Variants in ADAM22 observed in about 807,000 individuals in gnomAD.
ADAM22 encodes the protein disintegrin and metalloproteinase domain-containing protein 22.
A neutral mutation model predicts 144.6 loss-of-function variants in ADAM22; 65 were observed. That is an observed-to-expected ratio of 0.45 (90% CI 0.37 to 0.55). ADAM22 has a LOEUF of 0.55. Ranked by LOEUF, ADAM22 falls within the 20% of genes least tolerant of loss-of-function variation. The probability of loss-of-function intolerance (pLI) is 0.00; values close to 1 mark genes in which losing one functional copy is unlikely to be tolerated. For synonymous variants in ADAM22, 391 were observed against 412.6 expected, an observed-to-expected ratio of 0.95 and a Z score of 0.63; for missense variants, 974 against 1,184.9, an observed-to-expected ratio of 0.82 and a Z score of 2.61.
chr7:88,142,116 A>G (rs1420987530), intron 14 of ADAM22, among the ~76,000 whole-genome samples: 5 of 152,240 alleles, frequency 3.3e-5, no homozygotes, highest in African/African-American at 1.2e-4. Context: ...CCGGTGGATC[A>G]TAAATTGCTT....
intron 2 of ADAM22, among the ~76,000 whole-genome samples, chr7:87,966,734 T>TTTTG (rs1849193108): frequency 7.6e-6 from 1 of 131,624 alleles, no homozygotes; most frequent in African/African-American, 2.9e-5. Context: ...TTTTTTTTTT[T>TTTTG]TTTTTTTTTT....
At position 88,004,057 on chromosome 7, in the gene ADAM22, G is replaced by A. The variant is rs118030927; in HGVS notation, c.323+25645G>A. On this transcript the variant is annotated intron_variant, in intron 3 of 31. Transcript: ENST00000413139. Reference sequence around the variant, plus strand: ...TGGATCTTTAACCATGTAAGCAGAAGCGTCAGTAGCTGGAGCCTTCTTGGG... The same window carrying A: ...TGGATCTTTAACCATGTAAGCAGAAACGTCAGTAGCTGGAGCCTTCTTGGG... Among the ~76,000 whole-genome samples the A allele has an allele frequency of 9.5e-4, 144 of 152,362 alleles. 2 individuals are homozygous for A. The East Asian group carries it at 0.021, about 23-fold the overall frequency.
chr7:87,966,720 C>CTTTTTTTTTTTT (rs1562873898), intron 2 of ADAM22, among the ~76,000 whole-genome samples: 1 of 30,172 alleles, frequency 3.3e-5, no homozygotes, highest in African/African-American at 1.8e-4. Context: ...CAAGGAAAGC[C>CTTTTTTTTTTTT]GTTTTTTTTT....
At chr7:88,053,543 C>A in intron 3 of ADAM22, among the ~76,000 whole-genome samples, 1 of 115,872 alleles carries the variant, frequency 8.6e-6, no homozygotes, top group African/African-American at 3.3e-5. Flanking sequence ...TTCAGGATAA[C>A]TCAAAAAAGA....
At chr7:88,043,274 A>T (rs1205721638) in intron 3 of ADAM22, among the ~76,000 whole-genome samples, 1 of 152,064 alleles carries the variant, frequency 6.6e-6, no homozygotes, top group East Asian at 1.9e-4. Flanking sequence ...TCATGAGGTC[A>T]GGAGATCGAG....
chr7:88,121,118 C>G (rs575387881), intron 7 of ADAM22, among the ~76,000 whole-genome samples: 9 of 152,028 alleles, frequency 5.9e-5, no homozygotes, highest in Non-Finnish European at 1.0e-4. Flanking sequence ...TTTGGCTACC[C>G]TTATCACACT....
intron 21 of ADAM22, among the ~76,000 whole-genome samples, chr7:88,155,539 A>AAG (rs1554506182): frequency 6.6e-6 from 1 of 150,768 alleles, no homozygotes; most frequent in African/African-American, 2.4e-5. Context: ...AAAAAAAAAA[A>AAG]AAGAAGAAGA....
chr7:88,191,695 A>G (rs919478248), intron 30 of ADAM22, among the ~76,000 whole-genome samples: 12 of 152,242 alleles, frequency 7.9e-5, no homozygotes, highest in African/African-American at 2.9e-4. Flanking sequence ...AAGTACTAGT[A>G]TTAGTTACAC....
chr7:88,116,093 C>T (rs368115653), intron 6 of ADAM22, among the ~76,000 whole-genome samples: 1 of 152,230 alleles, frequency 6.6e-6, no homozygotes, highest in South Asian at 2.1e-4. Context: ...TGGGTACCCA[C>T]TGCTGCCTGT....
intron 4 of ADAM22, among the ~76,000 whole-genome samples, chr7:88,082,379 A>G (rs1400979356): frequency 6.6e-6 from 1 of 152,222 alleles, no homozygotes; most frequent in Non-Finnish European, 1.5e-5. Flanking sequence ...AAAACCATAA[A>G]AACCCTAGAA....
At position 88,078,493 on chromosome 7, in the gene ADAM22, C is replaced by T. The variant is rs547092781; in HGVS notation, c.390+2801C>T. On this transcript the variant is annotated intron_variant, in intron 4 of 31. Transcript: ENST00000413139. ...TCGCCAGCAACGGAACAAAGCTGGACGGAGAATGACTTTGACGAGTTGAGA... is the reference window on the plus strand; with the variant it reads ...TCGCCAGCAACGGAACAAAGCTGGATGGAGAATGACTTTGACGAGTTGAGA... 1.8e-3 allele frequency among the ~76,000 whole-genome samples: 270 copies of T among 152,288 alleles called. 1 individual carries two copies. Among genetic ancestry groups the T allele is most frequent in the African/African-American group, 5.4e-3 (224 of 41,548 alleles).
chr7:87,953,763 T>C (rs1167090928), intron 2 of ADAM22, among the ~76,000 whole-genome samples: 2 of 152,148 alleles, frequency 1.3e-5, no homozygotes, highest in Non-Finnish European at 2.9e-5. Flanking sequence ...CCCATTATTA[T>C]TGTGTGGGAG....
intron 3 of ADAM22, among the ~76,000 whole-genome samples, chr7:88,007,108 A>G (rs575127089): frequency 3.8e-4 from 58 of 152,314 alleles, no homozygotes; most frequent in African/African-American, 1.4e-3. Context: ...TACACCAATA[A>G]CAGACAGAGA....
chr7:88,011,984 C>T (rs186252159), intron 3 of ADAM22, among the ~76,000 whole-genome samples: 12 of 151,414 alleles, frequency 7.9e-5, no homozygotes, highest in Non-Finnish European at 4.4e-5. Flanking sequence ...ATAAGTCACA[C>T]CTTTGGAGAT....
chr7:87,979,128 A>G (rs1472187312), intron 3 of ADAM22, among the ~76,000 whole-genome samples: 1 of 152,204 alleles, frequency 6.6e-6, no homozygotes, highest in East Asian at 1.9e-4. Flanking sequence ...TGAGCTGGGC[A>G]GAATTGGGCT....
chr7:88,051,830 G>A (rs1442242109), intron 3 of ADAM22, among the ~76,000 whole-genome samples: 1 of 151,604 alleles, frequency 6.6e-6, no homozygotes, highest in Non-Finnish European at 1.5e-5. Context: ...TATTGAAAGG[G>A]TCTTATACTA....
At chr7:88,107,390 A>G (rs1441394378) in intron 4 of ADAM22, among the ~76,000 whole-genome samples, 2 of 151,226 alleles carry the variant, frequency 1.3e-5, no homozygotes, top group Non-Finnish European at 2.9e-5. Flanking sequence ...TAGAAGAGAC[A>G]GGGTTTCACC....
intron 3 of ADAM22, among the ~76,000 whole-genome samples, chr7:88,033,821 A>T (rs939166643): frequency 6.6e-6 from 1 of 152,092 alleles, no homozygotes; most frequent in Non-Finnish European, 1.5e-5. Flanking sequence ...CCCTGTGTCC[A>T]CCACCCCACA....
chr7:87,934,313 T>TGGAGGTTGCAGCGCCACGGC lies in ADAM22; in HGVS notation c.-152_-133dup. On this transcript the variant is annotated 5_prime_UTR_variant, in exon 1 of 32. Coordinates refer to ENST00000413139, the MANE Select transcript of ADAM22 (RefSeq NM_001324418.2). ...AGCACAATGCAGCACTGAGCCGCGG[T>TGGAGGTTGCAGCGCCACGGC]GGAGGTTGCAGCGCCACGGCCGCCG... The TGGAGGTTGCAGCGCCACGGC allele has an allele frequency of 1.6e-6, 1 of 619,212 alleles. No homozygotes were observed. Among genetic ancestry groups the TGGAGGTTGCAGCGCCACGGC allele is most frequent in the Non-Finnish European group, 2.7e-6 (1 of 374,818 alleles). The allele number at this position is 619,212 out of a possible 1,614,324, so 38.4% of individuals were successfully genotyped here. A position where few individuals can be genotyped will look rare whatever the true frequency, so the allele number is the denominator to read the frequency against.
Sources: allele counts gnomAD v4.1 joint callset (sites outside exome capture counted in the v4.1 genomes callset), GRCh38; gene constraint gnomAD v4.1.1; transcripts MANE v1.5; gene names NCBI Gene and HGNC (gene_info 2026-07-23, HGNC 2026-07-21).